Variants in TTC17 observed in about 807,000 individuals in gnomAD.
TTC17 encodes tetratricopeptide repeat domain 17.
TTC17 carries 58 observed loss-of-function variants against 143.8 expected under a neutral mutation model. That is an observed-to-expected ratio of 0.40 (90% confidence interval 0.33 to 0.50). TTC17 has a LOEUF of 0.50. Ranked by LOEUF, TTC17 falls within the 20% of genes least tolerant of loss-of-function variation. TTC17 has a pLI of 0.49. For synonymous variants in TTC17, 501 were observed against 497.8 expected (o/e 1.01, Z -0.09); for missense variants, 1,273 against 1,392.5 (o/e 0.91, Z 1.37).
At chr11:43,389,623 C>G in intron 2 of TTC17, 29 bp from the exon 3 acceptor site, 1 of 1,569,814 alleles carries the variant, frequency 6.4e-7, no homozygotes. Context: ...TTAGAAGAAT[C>G]CATTCTGTTC....
intron 13 of TTC17, 104 bp downstream of exon 13, chr11:43,406,055 A>C: frequency 7.6e-7 from 1 of 1,319,674 alleles, no homozygotes; most frequent in Non-Finnish European, 1.0e-6. Context: ...TTGAGCTTTA[A>C]GTGTATAAAA....
At position 43,424,255 on chromosome 11, in the gene TTC17, G is replaced by T. The variant is rs377555072; in HGVS notation, c.2251+9479G>T. On this transcript the variant is annotated intron_variant, in intron 16 of 23. Coordinates refer to ENST00000039989, the MANE Select transcript of TTC17 (RefSeq NM_018259.6). ...ATACAGGTGCCCACCACCATGCCTG[G>T]CTAATTTTTTGTATTTTTGGTAGAG... 9.2e-5 allele frequency among the ~76,000 whole-genome samples: 14 copies of T among 151,690 alleles called. No homozygotes were observed. The East Asian group carries it at 9.8e-4, about 11-fold the overall frequency.
At chr11:43,418,329 C>T (rs1356268553) in intron 16 of TTC17, among the ~76,000 whole-genome samples, 1 of 152,166 alleles carries the variant, frequency 6.6e-6, no homozygotes, top group Non-Finnish European at 1.5e-5. Context: ...TTTTATATCA[C>T]TACCATTTCA....
chr11:43,361,934 G>A (rs1319557252), intron 1 of TTC17, among the ~76,000 whole-genome samples: 3 of 150,386 alleles, frequency 2.0e-5, no homozygotes, highest in Non-Finnish European at 4.4e-5. Context: ...TCATAAAGAA[G>A]TACTTATGAC....
chr11:43,462,952 A>G (rs376340186), intron 21 of TTC17, among the ~76,000 whole-genome samples: 39 of 104,446 alleles, frequency 3.7e-4, no homozygotes, highest in South Asian at 7.8e-4. Flanking sequence ...GTCTCACTCT[A>G]TTGCCCAGGC....
chr11:43,470,733 A>G (rs566542371), intron 21 of TTC17, among the ~76,000 whole-genome samples: 1 of 152,276 alleles, frequency 6.6e-6, no homozygotes, highest in South Asian at 2.1e-4. Context: ...TAAAACACAA[A>G]TTGTTGGTGC....
chr11:43,436,279 C>A (rs1229418764), intron 16 of TTC17: 1 of 1,378,920 alleles, frequency 7.3e-7, no homozygotes, highest in Non-Finnish European at 9.4e-7. Context: ...CAGAGGAGGA[C>A]CCTGTATTCT....
In TTC17 at chr11:43,490,280, C is replaced by T. The variant is rs750907131; in HGVS notation, c.3072C>T (p.Tyr1024=). Residue 1024 remains tyrosine (Y), a synonymous_variant, in exon 22 of 24, where the codon TAC becomes TAT. Transcript: ENST00000039989. ...SWVLSSMAAL[Y]WRVKGQGKKA... ...TCCTCTCCAGCATGGCAGCCCTCTA[C>T]TGGAGGGTGAAAGGCCAAGGAAAGA... The T allele has an allele frequency of 4.3e-6, 7 of 1,613,238 alleles. No individual in the cohort carries two copies. The highest frequency in any genetic ancestry group is 3.3e-5 in the South Asian group (3 of 90,824).
At position 43,450,186 on chromosome 11, in the gene TTC17, A is replaced by C. The variant is rs759372011; in HGVS notation, c.2891A>C (p.His964Pro). The C allele has an allele frequency of 8.1e-6, 13 of 1,614,042 alleles. No homozygotes were observed. In the Admixed American group the frequency reaches 1.3e-4, roughly 17 times the overall value. Reference protein sequence around the residue: ...PTSMHTLDHLHGVSNRASLHY... With the variant: ...PTSMHTLDHLPGVSNRASLHY... ...AGTATGCATACCCTGGACCACTTGCATGGGGTTTCCAACCGAGCCAGCCTG... is the reference window on the plus strand; with the variant it reads ...AGTATGCATACCCTGGACCACTTGCCTGGGGTTTCCAACCGAGCCAGCCTG... The change falls in exon 20 of 24, where the codon CAT (histidine) becomes CCT (proline). Residue 964 changes from histidine (H) to proline (P), a missense_variant. By Grantham distance (77) the His-to-Pro change is moderately conservative. This residue lies in a region of TTC17 where 878 missense variants were observed against 899.8 expected (regional missense o/e 0.98). Transcript: ENST00000039989.
chr11:43,380,231 A>G (rs767021132), intron 2 of TTC17, among the ~76,000 whole-genome samples: 1 of 152,186 alleles, frequency 6.6e-6, no homozygotes, highest in Non-Finnish European at 1.5e-5. Context: ...TTGACTTAAA[A>G]GCTGGCATAC....
At chr11:43,491,806 A>C (rs900109414) in intron 22 of TTC17, 6 of 605,956 alleles carry the variant, frequency 9.9e-6, no homozygotes, top group Non-Finnish European at 1.4e-5. Context: ...TTTTCGAAGC[A>C]AGACTTCGCC....
intron 5 of TTC17, among the ~76,000 whole-genome samples, chr11:43,392,237 AT>A (rs919538600): frequency 1.3e-5 from 2 of 152,236 alleles, no homozygotes; most frequent in African/African-American, 4.8e-5. Flanking sequence ...GATTATATAC[AT>A]TGTGTAAGTA....
intron 18 of TTC17, chr11:43,444,420 A>G (rs1947493532): frequency 2.6e-6 from 1 of 391,650 alleles, no homozygotes; most frequent in African/African-American, 2.1e-5. Flanking sequence ...ATTTAACATT[A>G]TGTGTAATAA....
Position 43,490,070 on chromosome 11 carries a change from T to A in TTC17, c.3031-169T>A, listed in dbSNP as rs61071323. 0.026 allele frequency: 20,796 copies of A among 797,844 alleles called. 3,171 individuals are homozygous for A. In the African/African-American group the frequency reaches 0.32, roughly 12 times the overall value. 49.4% of individuals were successfully genotyped at this position (797,844 alleles called of 1,614,324 possible). A position where few individuals can be genotyped will look rare whatever the true frequency, so the allele number is the denominator to read the frequency against. On this transcript the variant is annotated intron_variant, in intron 21 of 23. Transcript: ENST00000039989. ...AATAGTAGTATCAAGCTCACAGGATTGTTCTAAGGATTAATGAAGGACAGG... is the reference window on the plus strand; with the variant it reads ...AATAGTAGTATCAAGCTCACAGGATAGTTCTAAGGATTAATGAAGGACAGG...
intron 1 of TTC17, among the ~76,000 whole-genome samples, chr11:43,370,881 G>A (rs1289809936): frequency 3.3e-5 from 5 of 152,058 alleles, no homozygotes; most frequent in Non-Finnish European, 7.4e-5. Context: ...ATCATGGCTC[G>A]TTGCAGCCTC....
intron 5 of TTC17, among the ~76,000 whole-genome samples, chr11:43,393,770 G>A (rs1857478302): frequency 6.6e-6 from 1 of 152,166 alleles, no homozygotes; most frequent in African/African-American, 2.4e-5. Flanking sequence ...GATTCTTCAA[G>A]TTTTAGGTTT....
chr11:43,401,981 A>AAATG (rs1857877362), intron 10 of TTC17, among the ~76,000 whole-genome samples: 2 of 8,772 alleles, frequency 2.3e-4, no homozygotes, highest in African/African-American at 1.5e-3. Flanking sequence ...GTGTCTCAAA[A>AAATG]AATAAATAAA....
At position 43,451,165 on chromosome 11, in the gene TTC17, A is replaced by G. The variant is rs368723054; in HGVS notation, c.2947-17A>G. 190 of 1,611,194 alleles carry G rather than the reference A, an allele frequency of 1.2e-4. No individual in the cohort carries two copies. Among genetic ancestry groups the G allele is most frequent in the Middle Eastern group, 1.6e-4 (1 of 6,080 alleles). ...ATCGTTTTCATTCTTCTAATCTACT[A>G]TCTTCCTTCCTTCCAGGTATTACAA... On this transcript the variant is annotated splice_polypyrimidine_tract_variant and intron_variant, in intron 20 of 23. Transcript: ENST00000039989.
In TTC17 at chr11:43,414,647, G is replaced by T. The variant is rs766016503; in HGVS notation, c.2122G>T (p.Ala708Ser). 7 of 1,613,604 alleles carry T rather than the reference G, an allele frequency of 4.3e-6. 1 individual carries two copies. In the East Asian group the frequency reaches 1.6e-4, roughly 36 times the overall value. ...CCTTGCTCTGAAGAATATCAGTGGG[G>T]CACTTGAGGCCTTTAGACAGGCCTT... ...AYLALKNISGALEAFRQALKL... is the reference protein window; with the variant it reads ...AYLALKNISGSLEAFRQALKL... Residue 708 changes from alanine (A) to serine (S), a missense_variant, in exon 16 of 24, where the codon GCA becomes TCA. By Grantham distance (99) the Ala-to-Ser change is moderately conservative. This residue lies in a region of TTC17 where 878 missense variants were observed against 899.8 expected (regional missense o/e 0.98). Coordinates refer to ENST00000039989, the MANE Select transcript of TTC17 (RefSeq NM_018259.6).
Sources: gnomAD v4.1 joint callset for allele counts (sites outside exome capture counted in the v4.1 genomes callset) on GRCh38, gnomAD v4.1.1 for gene constraint, gnomAD v4.1.1 regional missense constraint, MANE v1.5 for transcripts, NCBI Gene and HGNC (gene_info 2026-07-23, HGNC 2026-07-21) for gene names.